The following SI variants were observed in gnomAD, a reference collection of about 807,000 sequenced individuals.
SI encodes sucrase-isomaltase, intestinal.
SI carries 235 observed loss-of-function variants against 253.3 expected under a neutral mutation model. The observed-to-expected ratio is 0.93, with a 90% CI of 0.83 to 1.03. The LOEUF is 1.03. SI is among the 50% of genes least tolerant of loss of function. The pLI is 0.00. For synonymous variants in SI, 819 were observed against 712.0 expected (o/e 1.15, Z -2.39); for missense variants, 2,442 against 2,211.1 (o/e 1.10, Z -2.09).
chr3:165,007,997 T>C lies in SI; in HGVS notation c.4181A>G (p.Asp1394Gly). ...EKMKFDGLWIDMNEPSSFVNG... is the reference protein window; with the variant it reads ...EKMKFDGLWIGMNEPSSFVNG... ...TACAAAACTTGATGGCTCATTCATATCCTTAAAAAAAGATGAAAGAAAAAG... is the reference window on the plus strand; with the variant it reads ...TACAAAACTTGATGGCTCATTCATACCCTTAAAAAAAGATGAAAGAAAAAG... Residue 1394 changes from aspartate (D) to glycine (G), a missense_variant and splice_region_variant, in exon 36 of 48, where the codon GAT becomes GGT. Transcript: ENST00000264382. 2 of 1,514,480 alleles carry C rather than the reference T, an allele frequency of 1.3e-6. No individual in the cohort carries two copies. The highest frequency in any genetic ancestry group is 1.8e-6 in the Non-Finnish European group (2 of 1,091,120). The allele number at this position is 1,514,480 out of a possible 1,614,324, so 93.8% of individuals were successfully genotyped here.
the SI span, among the ~76,000 whole-genome samples, chr3:165,089,543 A>T: frequency 1.3e-5 from 2 of 152,088 alleles, no homozygotes; most frequent in African/African-American, 4.8e-5. Context: ...CAGAGAGAAG[A>T]AGGATCCTGG....
chr3:165,047,860 T>A (rs1464916013), intron 15 of SI, among the ~76,000 whole-genome samples: 1 of 147,528 alleles, frequency 6.8e-6, no homozygotes, highest in African/African-American at 2.5e-5. Flanking sequence ...TTTTATTTTC[T>A]AGAAGTTAAC....
At chr3:165,039,850 G>C (rs750182340) in intron 19 of SI, 37 bp downstream of exon 19, 40 of 1,392,304 alleles carry the variant, frequency 2.9e-5, no homozygotes, top group Non-Finnish European at 4.0e-5. Context: ...GTTATACAAA[G>C]TTCAAACAAT....
intron 16 of SI, among the ~76,000 whole-genome samples, chr3:165,043,426 A>G (rs1712956113): frequency 6.6e-6 from 1 of 151,570 alleles, no homozygotes; most frequent in Non-Finnish European, 1.5e-5. Context: ...CATTTTACTC[A>G]TTTTTTATTT....
intron 25 of SI, among the ~76,000 whole-genome samples, chr3:165,026,010 C>A (rs1711896877): frequency 1.3e-5 from 2 of 151,136 alleles, no homozygotes; most frequent in South Asian, 4.1e-4. Flanking sequence ...AGTAAATGGC[C>A]TAAATGCTCC....
At chr3:165,089,067 C>G in the SI span, among the ~76,000 whole-genome samples, 2 of 135,204 alleles carry the variant, frequency 1.5e-5, no homozygotes, top group East Asian at 4.9e-4. Context: ...CTTTTTACGG[C>G]CTTTTCTTTT....
chr3:164,988,770 A>G (rs543115272), intron 44 of SI, among the ~76,000 whole-genome samples: 1 of 152,334 alleles, frequency 6.6e-6, no homozygotes, highest in East Asian at 1.9e-4. Flanking sequence ...AAAGACTGTG[A>G]CAGGAATAAG....
rs1421547750 is a variant in SI, at chr3:165,041,056, CA to C, written c.2042del (p.Leu681TrpfsTer9). ...TTAAATACTGCCTTGATGATTTAAC[CA>C]AAAGTGAATTCTGCCCAAAAAATGC... ...DPAFFGQNSLLVKSSRQYLTI... is the reference protein window; with the variant it reads ...DPAFFGQNSLXVKSSRQYLTI... On this transcript the variant is annotated frameshift_variant, in exon 18 of 48. Transcript: ENST00000264382. LOFTEE classifies it high-confidence loss of function. 2.5e-6 allele frequency: 4 copies of C among 1,612,354 alleles called. No homozygotes were observed. In the African/African-American group the frequency reaches 4.0e-5, roughly 16 times the overall value.
Position 165,017,777 on chromosome 3 carries a change from G to C in SI, c.3617C>G (p.Thr1206Arg), listed in dbSNP as rs1719109727. ...MFLGPTPEVA[T>R]KQYHEVIGHP... The stretch of plus-strand genomic sequence containing the variant: ...CAATCATACTTCATGGTATTGCTTT[G>C]TTGCAACTTCTGGAGTTGGGCCCAA... Residue 1206 changes from threonine (T) to arginine (R), a missense_variant, in exon 30 of 48, where the codon ACA becomes AGA. Physicochemically the swap from Thr to Arg is moderately conservative, Grantham distance 71 (BLOSUM62 -1). Transcript: ENST00000264382. The C allele has an allele frequency of 1.9e-6, 3 of 1,612,064 alleles. No individual in the cohort carries two copies. Among genetic ancestry groups the C allele is most frequent in the Non-Finnish European group, 2.5e-6 (3 of 1,178,674 alleles).
intron 38 of SI, among the ~76,000 whole-genome samples, chr3:164,997,813 T>C (rs1017680736): frequency 6.6e-6 from 1 of 151,786 alleles, no homozygotes; most frequent in Non-Finnish European, 1.5e-5. Context: ...CCTTGAAAGG[T>C]CATGATCTCA....
chr3:165,073,720 AT>A (rs761410793), intron 3 of SI, among the ~76,000 whole-genome samples: 17 of 152,184 alleles, frequency 1.1e-4, no homozygotes, highest in Non-Finnish European at 2.2e-4. Flanking sequence ...GGAACAAAAA[AT>A]ATCAACATGG....
At chr3:165,024,305 G>A (rs1031587594) in intron 25 of SI, among the ~76,000 whole-genome samples, 4 of 151,106 alleles carry the variant, frequency 2.6e-5, no homozygotes, top group Admixed American at 1.3e-4. Flanking sequence ...AGAGTTGATT[G>A]GTTTAACATA....
rs1719003902 is a variant in SI, at chr3:165,015,944, G to A, written c.3888+8C>T. 1 of 1,607,362 alleles carries A rather than the reference G, an allele frequency of 6.2e-7. No homozygotes were observed. The highest frequency in any genetic ancestry group is 1.1e-5 in the South Asian group (1 of 90,968). On this transcript the variant is annotated splice_region_variant and intron_variant, in intron 32 of 47. Transcript: ENST00000264382. Reference sequence around the variant, plus strand: ...GAAATAAGACTCAGGTAAACTCCAAGTACTGACCAGGATAATAATGTATCT... The same window carrying A: ...GAAATAAGACTCAGGTAAACTCCAAATACTGACCAGGATAATAATGTATCT...
chr3:165,079,497 C>A (rs924941706), upstream of SI, among the ~76,000 whole-genome samples: 13 of 151,470 alleles, frequency 8.6e-5, 1 homozygote, highest in African/African-American at 3.1e-4. Context: ...TGTTGTAAGA[C>A]TCAGTAGCTA....
chr3:165,035,956 G>A (rs1348732461), intron 22 of SI, among the ~76,000 whole-genome samples: 2 of 151,656 alleles, frequency 1.3e-5, no homozygotes, highest in Admixed American at 6.6e-5. Context: ...CAATTGATAC[G>A]ATGATATTCT....
Position 164,982,421 on chromosome 3 carries a change from A to C in SI, c.5248-11T>G, listed in dbSNP as rs779224012. 6.3e-7 allele frequency: 1 copy of C among 1,589,194 alleles called. No homozygotes were observed. Among genetic ancestry groups the C allele is most frequent in the South Asian group, 1.1e-5 (1 of 90,366 alleles). Reference sequence around the variant, plus strand: ...GCTTGTTAAGGTGGTCTATAAATAAAGAAAAAGGAATAACATAAACACTTT... The same window carrying C: ...GCTTGTTAAGGTGGTCTATAAATAACGAAAAAGGAATAACATAAACACTTT... On this transcript the variant is annotated splice_polypyrimidine_tract_variant and intron_variant, in intron 46 of 47. Coordinates refer to ENST00000264382, the MANE Select transcript of SI (RefSeq NM_001041.4).
At chr3:165,030,304 G>C (rs139828185) in intron 25 of SI, among the ~76,000 whole-genome samples, 4 of 150,974 alleles carry the variant, frequency 2.6e-5, no homozygotes, top group African/African-American at 9.7e-5. Context: ...TGGAAGAGAA[G>C]TAGCCCGTTA....
At chr3:165,053,866 A>T (rs1713557105) in intron 13 of SI, among the ~76,000 whole-genome samples, 1 of 152,154 alleles carries the variant, frequency 6.6e-6, no homozygotes, top group Non-Finnish European at 1.5e-5. Context: ...AAGAACTAGA[A>T]TTAAAAATAA....
intron 3 of SI, among the ~76,000 whole-genome samples, chr3:165,074,090 T>C (rs917346001): frequency 6.6e-6 from 1 of 152,228 alleles, no homozygotes; most frequent in Admixed American, 6.6e-5. Flanking sequence ...TCTTCACTTC[T>C]AATTGCTAAA....
Sources: allele counts gnomAD v4.1 joint callset (sites outside exome capture counted in the v4.1 genomes callset), GRCh38; gene constraint gnomAD v4.1.1; transcripts MANE v1.5; gene names NCBI Gene and HGNC (gene_info 2026-07-23, HGNC 2026-07-21).